The following ZBTB20 variants were observed in gnomAD, a reference collection of about 807,000 sequenced individuals.
ZBTB20 encodes zinc finger and BTB domain-containing protein 20.
In ZBTB20, 9 loss-of-function variants were observed where a neutral mutation model predicts 56.9. That is an observed-to-expected ratio of 0.16 (90% CI 0.10 to 0.28). The LOEUF (loss-of-function observed/expected upper bound fraction) is 0.28. Ranked by LOEUF, ZBTB20 falls within the 10% of genes least tolerant of loss-of-function variation. The probability of loss-of-function intolerance (pLI) is 1.00; values close to 1 mark genes in which losing one functional copy is unlikely to be tolerated. For missense variants in ZBTB20, 655 were observed against 1,003.0 expected, an observed-to-expected ratio of 0.65 and a Z score of 4.69; for synonymous variants, 417 against 420.7, an observed-to-expected ratio of 0.99 and a Z score of 0.11.
At chr3:114,628,594 T>C (rs1407232997) in intron 6 of ZBTB20, among the ~76,000 whole-genome samples, 2 of 152,074 alleles carry the variant, frequency 1.3e-5, no homozygotes, top group African/African-American at 2.4e-5. Flanking sequence ...CCACCACCCA[T>C]TGCCAAGCAG....
chr3:114,691,299 T>C (rs1329695567), intron 6 of ZBTB20, among the ~76,000 whole-genome samples: 1 of 152,160 alleles, frequency 6.6e-6, no homozygotes, highest in Non-Finnish European at 1.5e-5. Flanking sequence ...ATGTACTAAA[T>C]ACTACAATGT....
At chr3:114,537,465 T>A (rs1402781749) in intron 6 of ZBTB20, among the ~76,000 whole-genome samples, 1 of 152,142 alleles carries the variant, frequency 6.6e-6, no homozygotes, top group Non-Finnish European at 1.5e-5. Flanking sequence ...AGAATGGCGA[T>A]CATTAAAAAG....
rs1312803687 is a variant in ZBTB20 at position 114,333,483 on chromosome 3, T to C, written c.*5522A>G. ...CTGCTGCTGTTCCAGTGGGAAGTTA[T>C]GTCTAGCCCCAGAAGGCCTGGTGGC... On this transcript the variant is annotated 3_prime_UTR_variant, in exon 12 of 12. Transcript: ENST00000675478. The C allele has an allele frequency of 6.6e-6, 1 of 152,158 alleles. No homozygotes were observed. Among genetic ancestry groups the C allele is most frequent in the Non-Finnish European group, 1.5e-5 (1 of 68,038 alleles). The allele number at this position is 152,158 out of a possible 1,614,324, so 9.4% of individuals were successfully genotyped here.
intron 5 of ZBTB20, among the ~76,000 whole-genome samples, chr3:114,789,744 G>A (rs1040698233): frequency 6.6e-6 from 1 of 152,062 alleles, no homozygotes; most frequent in Non-Finnish European, 1.5e-5. Flanking sequence ...TAGATTATAA[G>A]GATCTGCTAT....
At chr3:114,814,015 T>C (rs2072751512) in intron 4 of ZBTB20, among the ~76,000 whole-genome samples, 1 of 151,922 alleles carries the variant, frequency 6.6e-6, no homozygotes, top group African/African-American at 2.4e-5. Context: ...TTTATCTTGA[T>C]ATTTACATTA....
rs548730795 is a variant in ZBTB20 at position 114,869,798 on chromosome 3, C to T, written c.-417+30506G>A. 5.3e-5 allele frequency among the ~76,000 whole-genome samples: 8 copies of T among 152,292 alleles called. 1 individual carries two copies. In the South Asian group the frequency reaches 1.7e-3, roughly 32 times the overall value. On this transcript the variant is annotated intron_variant, in intron 4 of 11. Coordinates refer to ENST00000675478, the MANE Select transcript of ZBTB20 (RefSeq NM_001348800.3). ...TTGTGTAGCCATATGCTTAATGTTA[C>T]ATAACCCACTTGGAATTCCTTTCTT... is the stretch of plus-strand genomic sequence containing the variant.
chr3:114,481,745 G>A (rs2041572840), intron 7 of ZBTB20, among the ~76,000 whole-genome samples: 1 of 152,212 alleles, frequency 6.6e-6, no homozygotes, highest in Non-Finnish European at 1.5e-5. Context: ...GTGTCTCTAT[G>A]TCCCTATGCT....
chr3:114,635,778 A>T (rs1357044707), intron 6 of ZBTB20, among the ~76,000 whole-genome samples: 1 of 152,072 alleles, frequency 6.6e-6, no homozygotes, highest in Non-Finnish European at 1.5e-5. Flanking sequence ...ACAAGGATGA[A>T]AAGTGAGGAA....
chr3:114,809,571 T>C (rs1327733988), intron 4 of ZBTB20, among the ~76,000 whole-genome samples: 1 of 152,182 alleles, frequency 6.6e-6, no homozygotes, highest in African/African-American at 2.4e-5. Context: ...GTAATTATAG[T>C]AATACTTTAA....
chr3:114,451,432 G>C (rs2091600424), intron 7 of ZBTB20, among the ~76,000 whole-genome samples: 1 of 152,008 alleles, frequency 6.6e-6, no homozygotes, highest in South Asian at 2.1e-4. Context: ...TGTGTTAATG[G>C]ATGTGTTTAA....
At chr3:114,418,073 T>G (rs2088765397) in intron 7 of ZBTB20, among the ~76,000 whole-genome samples, 3 of 152,070 alleles carry the variant, frequency 2.0e-5, no homozygotes, top group Non-Finnish European at 4.4e-5. Context: ...CAGTATAGAT[T>G]CTGAAACTTC....
rs2108204195 is a variant in ZBTB20 at position 114,350,771 on chromosome 3, C to T, written c.1307G>A (p.Ser436Asn). The change falls in exon 11 of 12, where the codon AGC becomes AAC. Residue 436 changes from serine to asparagine, a missense_variant. Coordinates refer to ENST00000675478, the MANE Select transcript of ZBTB20 (RefSeq NM_001348800.3). ...AGTGCTGTCCATCTCCACTTCATTG[C>T]TTCTCTCCGGAGAGGAAGCACCTGT... ...LETGASSPER[S>N]NEVEMDSTVI... The T allele has an allele frequency of 1.2e-6, 2 of 1,614,102 alleles. No homozygotes were observed. Among genetic ancestry groups the T allele is most frequent in the Non-Finnish European group, 8.5e-7 (1 of 1,180,014 alleles).
intron 6 of ZBTB20, among the ~76,000 whole-genome samples, chr3:114,626,001 A>T (rs571722293): frequency 6.6e-6 from 1 of 152,304 alleles, no homozygotes; most frequent in East Asian, 1.9e-4. Context: ...AGGAAATGGT[A>T]GTAATGGCCA....
chr3:114,432,535 T>G (rs1057217788), intron 7 of ZBTB20, among the ~76,000 whole-genome samples: 3 of 152,202 alleles, frequency 2.0e-5, no homozygotes, highest in African/African-American at 7.2e-5. Flanking sequence ...TGCCTCTCAC[T>G]TCAGTAGCAT....
At chr3:114,615,023 C>T (rs2057832145) in intron 6 of ZBTB20, among the ~76,000 whole-genome samples, 1 of 152,076 alleles carries the variant, frequency 6.6e-6, no homozygotes, top group South Asian at 2.1e-4. Flanking sequence ...TCCCAAAGTG[C>T]CCAAAGTGCT....
At chr3:114,340,432 C>T (rs559429530) in intron 11 of ZBTB20, among the ~76,000 whole-genome samples, 1 of 152,098 alleles carries the variant, frequency 6.6e-6, no homozygotes, top group African/African-American at 2.4e-5. Flanking sequence ...TTCCTGCGTC[C>T]TCCTTTGCTC....
At chr3:114,676,965 G>C (rs2061667716) in intron 6 of ZBTB20, among the ~76,000 whole-genome samples, 1 of 152,024 alleles carries the variant, frequency 6.6e-6, no homozygotes, top group Non-Finnish European at 1.5e-5. Context: ...AGTAGAGACG[G>C]GGTTTCACCC....
chr3:114,396,899 A>C (rs1029715434), intron 7 of ZBTB20, among the ~76,000 whole-genome samples: 5 of 152,132 alleles, frequency 3.3e-5, no homozygotes, highest in Admixed American at 3.3e-4. Flanking sequence ...ACTCCTTCTA[A>C]ATTACTCTTT....
intron 6 of ZBTB20, among the ~76,000 whole-genome samples, chr3:114,618,080 T>G (rs1302457486): frequency 1.2e-4 from 5 of 40,566 alleles, no homozygotes; most frequent in Non-Finnish European, 2.5e-4. Flanking sequence ...AAGATTTCTG[T>G]TTTTTTTTTT....
Sources: allele counts gnomAD v4.1 joint callset (sites outside exome capture counted in the v4.1 genomes callset), GRCh38; gene constraint gnomAD v4.1.1; transcripts MANE v1.5; gene names NCBI Gene and HGNC (gene_info 2026-07-23, HGNC 2026-07-21).